CNIH3: variants seen among roughly 807,000 people sequenced by gnomAD.
The protein encoded by CNIH3 is cornichon family AMPA receptor auxiliary protein 3, also known as protein cornichon homolog 3.
A neutral mutation model predicts 24.1 loss-of-function variants in CNIH3; 14 were observed. The observed-to-expected ratio is 0.58, with a 90% CI of 0.38 to 0.91. The LOEUF (loss-of-function observed/expected upper bound fraction) is 0.91. Ranked by LOEUF, CNIH3 falls within the 40% of genes least tolerant of loss-of-function variation. CNIH3 has a pLI of 0.00. For synonymous variants in CNIH3, 68 were observed against 73.8 expected (o/e 0.92, Z 0.40); for missense variants, 178 against 196.8 (o/e 0.90, Z 0.57).
intron 4 of CNIH3, among the ~76,000 whole-genome samples, chr1:224,570,095 C>CATATGG (rs1012206241): frequency 2.0e-5 from 3 of 152,052 alleles, no homozygotes; most frequent in African/African-American, 7.2e-5. Flanking sequence ...AGCATATTTT[C>CATATGG]ATATGGATAT....
intron 1 of CNIH3, among the ~76,000 whole-genome samples, chr1:224,672,746 T>C (rs185472351): frequency 6.6e-6 from 1 of 152,290 alleles, no homozygotes; most frequent in East Asian, 1.9e-4. Context: ...TAGATATGAA[T>C]TTTGGAGGTC....
chr1:224,601,222 A>T (rs939187258), intron 3 of CNIH3, among the ~76,000 whole-genome samples: 2 of 152,120 alleles, frequency 1.3e-5, no homozygotes, highest in African/African-American at 4.8e-5. Flanking sequence ...TTCTCCCCTG[A>T]GGCTTCCCTT....
At chr1:224,661,483 C>T in intron 1 of CNIH3, 1 of 266,566 alleles carries the variant, frequency 3.8e-6, no homozygotes, top group South Asian at 4.5e-5. Context: ...ACAACCCATC[C>T]CTCAGCTTCT....
intron 4 of CNIH3, among the ~76,000 whole-genome samples, chr1:224,573,352 G>A (rs917032945): frequency 2.6e-5 from 4 of 152,142 alleles, no homozygotes; most frequent in Non-Finnish European, 5.9e-5. Flanking sequence ...AACACAAGGT[G>A]CAAGGTACAG....
At chr1:224,502,692 C>T (rs1248967321) in intron 1 of CNIH3, among the ~76,000 whole-genome samples, 1 of 152,202 alleles carries the variant, frequency 6.6e-6, no homozygotes, top group Non-Finnish European at 1.5e-5. Flanking sequence ...CCGAGTTCTA[C>T]ATAAACAATC....
rs540841651 is a variant in CNIH3, at chr1:224,697,155, C to T, written c.198+12312C>T. On this transcript the variant is annotated intron_variant, in intron 3 of 5. Coordinates refer to ENST00000272133, the MANE Select transcript of CNIH3 (RefSeq NM_152495.2). ...CATGTGGAGAAGACCAGAGAAAGGC[C>T]ATGACAGGTGTGACGTGCTTGTCAC... Among the ~76,000 whole-genome samples the T allele has an allele frequency of 2.2e-4, 33 of 152,314 alleles. 1 individual carries two copies. In the South Asian group the frequency reaches 6.2e-3, roughly 29 times the overall value.
At chr1:224,655,917 C>T (rs1376800545) in intron 1 of CNIH3, among the ~76,000 whole-genome samples, 1 of 152,170 alleles carries the variant, frequency 6.6e-6, no homozygotes, top group East Asian at 1.9e-4. Context: ...TGGGGTCTCA[C>T]TGGATGTGGT....
chr1:224,586,867 A>G (rs2125022041), intron 5 of CNIH3, among the ~76,000 whole-genome samples: 1 of 152,302 alleles, frequency 6.6e-6, no homozygotes, highest in East Asian at 1.9e-4. Context: ...ATGCTGCCAC[A>G]GGCCGAGGAA....
At chr1:224,651,060 C>T (rs1684835069) in intron 1 of CNIH3, among the ~76,000 whole-genome samples, 1 of 140,470 alleles carries the variant, frequency 7.1e-6, no homozygotes, top group Non-Finnish European at 1.6e-5. Context: ...GAAAGAGGGA[C>T]ATGGACACAC....
chr1:224,739,449 T>A lies in CNIH3; in HGVS notation c.*93T>A. ...CTGGTGACTGGAGGAGGGACCAGAA[T>A]GAGGATACGTGAGAAATAGACCCGG... is the stretch of plus-strand genomic sequence containing the variant. On this transcript the variant is annotated 3_prime_UTR_variant, in exon 6 of 6. Transcript: ENST00000272133. 1 of 1,574,234 alleles carries A rather than the reference T, an allele frequency of 6.4e-7. No individual in the cohort carries two copies. The highest frequency in any genetic ancestry group is 8.6e-7 in the Non-Finnish European group (1 of 1,165,944).
intron 3 of CNIH3, among the ~76,000 whole-genome samples, chr1:224,713,802 T>G (rs1418051241): frequency 6.6e-6 from 1 of 152,200 alleles, no homozygotes; most frequent in East Asian, 1.9e-4. Context: ...AGTGCAACTT[T>G]TTTAAAATTT....
intron 4 of CNIH3, chr1:224,574,703 A>G: frequency 8.4e-7 from 1 of 1,190,720 alleles, no homozygotes; most frequent in Non-Finnish European, 1.3e-6. Flanking sequence ...GCCTGGTGAA[A>G]GGAGCCTGCC....
At chr1:224,618,442 A>G (rs781027134) in intron 1 of CNIH3, among the ~76,000 whole-genome samples, 1 of 152,194 alleles carries the variant, frequency 6.6e-6, no homozygotes, top group Non-Finnish European at 1.5e-5. Context: ...GAAGACGTGG[A>G]GAAAATTGCA....
intron 3 of CNIH3, among the ~76,000 whole-genome samples, chr1:224,722,535 C>T (rs1688776284): frequency 6.6e-6 from 1 of 152,148 alleles, no homozygotes; most frequent in African/African-American, 2.4e-5. Context: ...GCATTTCTAA[C>T]AAGATCCCAG....
chr1:224,636,847 T>C (rs967270463), intron 1 of CNIH3, among the ~76,000 whole-genome samples: 1 of 152,224 alleles, frequency 6.6e-6, no homozygotes, highest in Non-Finnish European at 1.5e-5. Context: ...GAGGAAGATG[T>C]GAATTAGAAG....
At chr1:224,666,893 C>T (rs570246512) in intron 1 of CNIH3, among the ~76,000 whole-genome samples, 18 of 152,184 alleles carry the variant, frequency 1.2e-4, no homozygotes, top group Non-Finnish European at 2.4e-4. Context: ...CACGTGCATG[C>T]GGTTGACATA....
At chr1:224,446,128 GTT>G (rs1558067827) in intron 1 of CNIH3, among the ~76,000 whole-genome samples, 1 of 150,682 alleles carries the variant, frequency 6.6e-6, no homozygotes, top group Non-Finnish European at 1.5e-5. Context: ...ACTGGCAAAA[GTT>G]TGTGCTGATA....
At chr1:224,445,486 G>C (rs1675118540) in intron 1 of CNIH3, among the ~76,000 whole-genome samples, 1 of 149,098 alleles carries the variant, frequency 6.7e-6, no homozygotes, top group South Asian at 2.1e-4. Context: ...TGAGGCAGGA[G>C]AGTTGCTTGA....
chr1:224,455,048 A>G (rs1466978202), intron 1 of CNIH3, among the ~76,000 whole-genome samples: 2 of 152,204 alleles, frequency 1.3e-5, no homozygotes, highest in Non-Finnish European at 2.9e-5. Flanking sequence ...CCTAACCTAC[A>G]GAACTTCATA....
Sources: allele counts gnomAD v4.1 joint callset (sites outside exome capture counted in the v4.1 genomes callset), GRCh38; gene constraint gnomAD v4.1.1; transcripts MANE v1.5; gene names NCBI Gene and HGNC (gene_info 2026-07-23, HGNC 2026-07-21).